Variants in NUMB observed in about 807,000 individuals in gnomAD.
The protein encoded by NUMB is NUMB endocytic adaptor protein.
NUMB carries 29 observed loss-of-function variants against 59.7 expected under a neutral mutation model. The observed-to-expected ratio is 0.49, with a 90% CI of 0.36 to 0.66. NUMB has a LOEUF of 0.66. NUMB is among the 30% of genes least tolerant of loss of function. The pLI is 0.00. For synonymous variants in NUMB, 288 were observed against 288.2 expected, an observed-to-expected ratio of 1.00 and a Z score of 0.01; for missense variants, 723 against 822.0, an observed-to-expected ratio of 0.88 and a Z score of 1.47.
At chr14:73,451,177 A>AAC (rs1883937647) in intron 1 of NUMB, among the ~76,000 whole-genome samples, 5 of 147,064 alleles carry the variant, frequency 3.4e-5, no homozygotes, top group Non-Finnish European at 6.0e-5. Context: ...AAAAAAAACA[A>AAC]AAAACAAATC....
chr14:73,385,777 C>T (rs1895486857), intron 2 of NUMB, among the ~76,000 whole-genome samples: 1 of 152,090 alleles, frequency 6.6e-6, no homozygotes, highest in Non-Finnish European at 1.5e-5. Flanking sequence ...GCTAGGATTA[C>T]AGGCATGAGC....
chr14:73,357,718 G>A (rs1893877115), intron 3 of NUMB, among the ~76,000 whole-genome samples: 1 of 152,064 alleles, frequency 6.6e-6, no homozygotes, highest in South Asian at 2.1e-4. Flanking sequence ...AGCCGAGATT[G>A]TGCCACTGCA....
At chr14:73,405,730 T>A (rs557861336) in intron 2 of NUMB, among the ~76,000 whole-genome samples, 1 of 152,050 alleles carries the variant, frequency 6.6e-6, no homozygotes, top group Non-Finnish European at 1.5e-5. Context: ...AGGGAACCTT[T>A]CTCTCCATCC....
chr14:73,425,703 C>T (rs1043106891), intron 1 of NUMB, among the ~76,000 whole-genome samples: 15 of 152,048 alleles, frequency 9.9e-5, no homozygotes, highest in Non-Finnish European at 1.8e-4. Context: ...ATATTCAAGG[C>T]ACTGTTCTAA....
intron 2 of NUMB, among the ~76,000 whole-genome samples, chr14:73,391,499 T>C (rs1895852871): frequency 6.6e-6 from 1 of 152,168 alleles, no homozygotes; most frequent in Non-Finnish European, 1.5e-5. Flanking sequence ...TGATTGTCAA[T>C]AATAAAATCA....
chr14:73,330,288 T>G (rs911037114), intron 4 of NUMB, among the ~76,000 whole-genome samples: 1 of 152,178 alleles, frequency 6.6e-6, no homozygotes, highest in African/African-American at 2.4e-5. Flanking sequence ...TGCCTTGGCC[T>G]CCCAAAGTGC....
At chr14:73,285,602 G>A (rs1888936239) in intron 9 of NUMB, 1 of 151,868 alleles carries the variant, frequency 6.6e-6, no homozygotes, top group Non-Finnish European at 1.5e-5. Context: ...AGCTGTTTGG[G>A]TCAGTATTAG....
intron 1 of NUMB, among the ~76,000 whole-genome samples, chr14:73,433,861 C>T (rs572602799): frequency 6.6e-6 from 1 of 151,962 alleles, no homozygotes; most frequent in African/African-American, 2.4e-5. Context: ...AGGCCGAGGC[C>T]GATGGATCAC....
intron 4 of NUMB, among the ~76,000 whole-genome samples, chr14:73,330,796 T>C (rs1257538450): frequency 2.6e-5 from 4 of 152,282 alleles, no homozygotes; most frequent in East Asian, 1.9e-4. Context: ...GTCAGATGGA[T>C]AGATGAATGA....
chr14:73,322,186 C>T (rs766862025), intron 5 of NUMB, among the ~76,000 whole-genome samples: 1 of 152,158 alleles, frequency 6.6e-6, no homozygotes, highest in Non-Finnish European at 1.5e-5. Context: ...AAAGCTTTCA[C>T]AGCAAAGTGG....
At chr14:73,458,236 C>T (rs867390205) in intron 1 of NUMB, 1 of 153,584 alleles carries the variant, frequency 6.5e-6, no homozygotes, top group South Asian at 1.8e-4. Context: ...GACCTCCTGG[C>T]CTGACCCGCG....
At chr14:73,390,381 G>A (rs1895780513) in intron 2 of NUMB, among the ~76,000 whole-genome samples, 1 of 152,116 alleles carries the variant, frequency 6.6e-6, no homozygotes, top group Non-Finnish European at 1.5e-5. Context: ...TTTGCTTTTA[G>A]AAACAGTAAT....
intron 1 of NUMB, among the ~76,000 whole-genome samples, chr14:73,445,389 A>C (rs185895010): frequency 0.17 from 22,888 of 135,636 alleles, 2,975 homozygotes; most frequent in Non-Finnish European, 0.22. Flanking sequence ...AAAAAAAAAA[A>C]AAAAAAACTT....
At chr14:73,320,231 C>A (rs1303799077) in intron 5 of NUMB, among the ~76,000 whole-genome samples, 10 of 152,160 alleles carry the variant, frequency 6.6e-5, no homozygotes, top group Admixed American at 2.6e-4. Context: ...TTTAATAATA[C>A]ATGCCAGTGC....
At chr14:73,457,178 T>C (rs1307720063) in intron 1 of NUMB, among the ~76,000 whole-genome samples, 2 of 152,192 alleles carry the variant, frequency 1.3e-5, no homozygotes, top group East Asian at 1.9e-4. Flanking sequence ...TAGCCGAGTA[T>C]GCCTACCCTC....
rs10700256 is a variant in NUMB, at chr14:73,334,949, C to CAAAAA, written c.127-11750_127-11746dup. On this transcript the variant is annotated intron_variant, in intron 4 of 12. Transcript: ENST00000555238. The stretch of plus-strand genomic sequence containing the variant: ...GGGCGACAAGAGCAAAACTCTGTCT[C>CAAAAA]AAAAAAAAAAAAAAAAAGGTATTAG... 5.6e-4 allele frequency among the ~76,000 whole-genome samples: 62 copies of CAAAAA among 110,298 alleles called. 2 individuals carry two copies. The highest frequency in any genetic ancestry group is 1.9e-3 in the African/African-American group (56 of 28,972). The allele number at this position is 110,298 out of a possible 152,430, so 72.4% of individuals were successfully genotyped here.
At chr14:73,352,477 C>CACATATAT (rs1566756099) in intron 4 of NUMB, among the ~76,000 whole-genome samples, 3 of 12,690 alleles carry the variant, frequency 2.4e-4, no homozygotes, top group Non-Finnish European at 5.0e-4. Flanking sequence ...CACACACACA[C>CACATATAT]ATATATATAT....
intron 2 of NUMB, among the ~76,000 whole-genome samples, chr14:73,405,659 C>G (rs1316815326): frequency 1.3e-5 from 2 of 151,962 alleles, no homozygotes; most frequent in Non-Finnish European, 2.9e-5. Context: ...ATGGTGGGGG[C>G]AGCAGCAACA....
chr14:73,436,296 T>C (rs897103785), intron 1 of NUMB, among the ~76,000 whole-genome samples: 9 of 152,166 alleles, frequency 5.9e-5, no homozygotes, highest in Non-Finnish European at 7.4e-5. Flanking sequence ...CTTATCACAA[T>C]AGAAACTTTT....
Sources: allele counts gnomAD v4.1 joint callset (sites outside exome capture counted in the v4.1 genomes callset), GRCh38; gene constraint gnomAD v4.1.1; transcripts MANE v1.5; gene names NCBI Gene and HGNC (gene_info 2026-07-23, HGNC 2026-07-21).